Variants in NLGN4Y observed in about 807,000 individuals in gnomAD.
NLGN4Y encodes neuroligin-4, Y-linked.
NLGN4Y carries 4 observed loss-of-function variants against 8.4 expected under a neutral mutation model. The ratio of observed to expected loss-of-function variants is 0.48; its 90% CI spans 0.23 to 1.09. The LOEUF (loss-of-function observed/expected upper bound fraction) is 1.09, where lower values mean the gene tolerates loss of function less well. Among genes scored for constraint, NLGN4Y ranks in the 50% least tolerant of loss-of-function variants. NLGN4Y has a pLI of 0.19. For synonymous variants in NLGN4Y, 35 were observed against 75.6 expected, an observed-to-expected ratio of 0.46 and a Z score of 2.78; for missense variants, 90 against 192.3, an observed-to-expected ratio of 0.47 and a Z score of 3.15.
intron 1 of NLGN4Y, among the ~76,000 whole-genome samples, chrY:14,586,097 C>T: frequency 6.1e-5 from 2 of 32,921 alleles, no homozygotes; most frequent in Non-Finnish European, 1.5e-4. Flanking sequence ...GCAGTGAAAA[C>T]ATTTTGGGCA....
intron 2 of NLGN4Y, among the ~76,000 whole-genome samples, chrY:14,717,007 TG>T (rs2080917437): frequency 3.0e-5 from 1 of 33,819 alleles, no homozygotes; most frequent in Non-Finnish European, 7.3e-5. Context: ...TCCAGCACAT[TG>T]GGACGCCAAA....
chrY:14,695,377 C>G, intron 2 of NLGN4Y, among the ~76,000 whole-genome samples: 1 of 33,311 alleles, frequency 3.0e-5, no homozygotes, highest in African/African-American at 1.2e-4. Context: ...GAAAGGCACA[C>G]ATGCACAGGT....
At chrY:14,604,870 C>T (rs2080441164) in intron 1 of NLGN4Y, among the ~76,000 whole-genome samples, 1 of 33,527 alleles carries the variant, frequency 3.0e-5, no homozygotes, top group Admixed American at 2.7e-4. Flanking sequence ...TGCCTGGCCA[C>T]GTTTTTACTC....
At chrY:14,690,565 C>T in intron 2 of NLGN4Y, among the ~76,000 whole-genome samples, 1 of 32,696 alleles carries the variant, frequency 3.1e-5, no homozygotes, top group Non-Finnish European at 7.5e-5. Context: ...TAGCAAAAGT[C>T]TATTTTTTCA....
At chrY:14,586,131 A>C in intron 1 of NLGN4Y, among the ~76,000 whole-genome samples, 1 of 33,294 alleles carries the variant, frequency 3.0e-5, no homozygotes, top group East Asian at 8.0e-4. Flanking sequence ...ATAATGTTCA[A>C]GCCTGAAGAT....
intron 4 of NLGN4Y, among the ~76,000 whole-genome samples, chrY:14,733,190 T>C (rs989873577): frequency 2.9e-5 from 1 of 34,031 alleles, no homozygotes; most frequent in African/African-American, 1.1e-4. Context: ...ACAGTACATT[T>C]TCATTTTCTC....
intron 2 of NLGN4Y, among the ~76,000 whole-genome samples, chrY:14,658,217 A>G: frequency 3.0e-5 from 1 of 33,374 alleles, no homozygotes. Flanking sequence ...CAGTTATTTT[A>G]TCTGGAAGGT....
chrY:14,803,255 TATA>T (rs1569376273), intron 4 of NLGN4Y, among the ~76,000 whole-genome samples: 105 of 26,181 alleles, frequency 4.0e-3, no homozygotes, highest in African/African-American at 0.015. Flanking sequence ...TTAGATAATA[TATA>T]ATAAGTATAT....
At chrY:14,770,366 A>G in intron 4 of NLGN4Y, among the ~76,000 whole-genome samples, 2 of 33,061 alleles carry the variant, frequency 6.0e-5, no homozygotes. Context: ...AGAGGCAACA[A>G]TCTTTGCTGT....
At chrY:14,767,020 C>T (rs2081095486) in intron 4 of NLGN4Y, among the ~76,000 whole-genome samples, 1 of 33,152 alleles carries the variant, frequency 3.0e-5, no homozygotes, top group Non-Finnish European at 7.5e-5. Flanking sequence ...TACCACCCAC[C>T]CACACAAATT....
At chrY:14,756,538 A>C (rs2081057718) in intron 4 of NLGN4Y, among the ~76,000 whole-genome samples, 8 of 29,814 alleles carry the variant, frequency 2.7e-4, no homozygotes, top group Non-Finnish European at 4.7e-4. Flanking sequence ...ACCTGAGTTC[A>C]GGAGTTCGAC....
chrY:14,702,366 T>C (rs2080853738), intron 2 of NLGN4Y, among the ~76,000 whole-genome samples: 1 of 31,344 alleles, frequency 3.2e-5, no homozygotes. Context: ...CCTGTGTCCA[T>C]GTGTTCTCAT....
chrY:14,770,520 G>A, intron 4 of NLGN4Y, among the ~76,000 whole-genome samples: 1 of 33,069 alleles, frequency 3.0e-5, no homozygotes, highest in East Asian at 8.0e-4. Flanking sequence ...CCAACAAAAA[G>A]GACACCCACA....
chrY:14,587,749 T>C, intron 1 of NLGN4Y, among the ~76,000 whole-genome samples: 1 of 33,050 alleles, frequency 3.0e-5, no homozygotes, highest in Admixed American at 2.8e-4. Context: ...TTCCTTTTGG[T>C]ATCATTTTTC....
chrY:14,564,077 G>A, intron 1 of NLGN4Y, among the ~76,000 whole-genome samples: 1 of 33,076 alleles, frequency 3.0e-5, no homozygotes, highest in Non-Finnish European at 7.4e-5. Context: ...CATGTCTTCT[G>A]CTAGCTTTGG....
At chrY:14,743,791 C>T (rs1050585100) in intron 4 of NLGN4Y, among the ~76,000 whole-genome samples, 5 of 33,142 alleles carry the variant, frequency 1.5e-4, no homozygotes, top group Admixed American at 2.8e-4. Flanking sequence ...AAGTTGTGAT[C>T]GTACACATCA....
At chrY:14,704,303 A>T (rs1603502976) in intron 2 of NLGN4Y, among the ~76,000 whole-genome samples, 1 of 33,204 alleles carries the variant, frequency 3.0e-5, no homozygotes, top group Non-Finnish European at 7.4e-5. Flanking sequence ...GGTTTGTCAT[A>T]GATAGCTCTT....
intron 2 of NLGN4Y, among the ~76,000 whole-genome samples, chrY:14,627,511 C>A: frequency 2.9e-5 from 1 of 34,916 alleles, no homozygotes; most frequent in African/African-American, 1.1e-4. Context: ...GGGGACCCAG[C>A]GCAACCTCCG....
intron 1 of NLGN4Y, among the ~76,000 whole-genome samples, chrY:14,531,228 C>A (rs2080113849): frequency 6.1e-5 from 2 of 32,930 alleles, no homozygotes; most frequent in South Asian, 1.3e-3. Flanking sequence ...ATCTATAGAG[C>A]CTTCATCATC....
Sources: allele counts gnomAD v4.1 joint callset (sites outside exome capture counted in the v4.1 genomes callset), GRCh38; gene constraint gnomAD v4.1.1; transcripts MANE v1.5; gene names NCBI Gene and HGNC (gene_info 2026-07-23, HGNC 2026-07-21).